The following TTC6 variants were observed in gnomAD, a reference collection of about 807,000 sequenced individuals.
TTC6 encodes the protein tetratricopeptide repeat domain 6.
A neutral mutation model predicts 210.4 loss-of-function variants in TTC6; 172 were observed. The ratio of observed to expected loss-of-function variants is 0.82; its 90% CI spans 0.72 to 0.93. The LOEUF (loss-of-function observed/expected upper bound fraction) is 0.93, where lower values mean the gene tolerates loss of function less well. TTC6 is among the 40% of genes least tolerant of loss of function. The pLI is 0.00. For missense variants in TTC6, 2,414 were observed against 2,318.1 expected (o/e 1.04, Z -0.85); for synonymous variants, 804 against 819.6 (o/e 0.98, Z 0.32).
rs563225994 is a variant in TTC6, at chr14:37,752,161, A to C, written c.3129+936A>C. Among the ~76,000 whole-genome samples the C allele has an allele frequency of 9.0e-4, 137 of 152,164 alleles. 1 individual carries two copies. The highest frequency in any genetic ancestry group is 3.3e-3 in the African/African-American group (135 of 41,534). ...TTTTAACTGAACCGTAGTCAAGGCA[A>C]AATATTCCCCTGATTGCAGTACAAT... On this transcript the variant is annotated intron_variant, in intron 13 of 30. Transcript: ENST00000553443.
intron 28 of TTC6, among the ~76,000 whole-genome samples, chr14:37,826,810 A>G (rs915075031): frequency 8.5e-5 from 13 of 152,114 alleles, no homozygotes; most frequent in African/African-American, 3.1e-4. Flanking sequence ...CAGATGTTGT[A>G]GTGTTTGAGA....
chr14:37,730,440 T>G (rs1183917382), intron 7 of TTC6, among the ~76,000 whole-genome samples: 1 of 152,140 alleles, frequency 6.6e-6, no homozygotes, highest in Non-Finnish European at 1.5e-5. Flanking sequence ...ATGTTTCACT[T>G]TACTCCCATC....
intron 1 of TTC6, among the ~76,000 whole-genome samples, chr14:37,664,905 C>G (rs192735417): frequency 6.6e-6 from 1 of 150,688 alleles, no homozygotes; most frequent in African/African-American, 2.4e-5. Context: ...AAGAGCTCAA[C>G]CTTACTGATT....
intron 18 of TTC6, among the ~76,000 whole-genome samples, chr14:37,795,658 G>A (rs1010159311): frequency 3.9e-5 from 6 of 152,090 alleles, no homozygotes; most frequent in Non-Finnish European, 8.8e-5. Flanking sequence ...GTAAGGTAAC[G>A]TATTTTGAAC....
chr14:37,685,868 G>A (rs944479071), intron 3 of TTC6, among the ~76,000 whole-genome samples: 14 of 152,030 alleles, frequency 9.2e-5, no homozygotes, highest in African/African-American at 3.1e-4. Flanking sequence ...TAAGTGTAAG[G>A]GTTGAGATTT....
chr14:37,776,418 G>A lies in TTC6; in HGVS notation c.3267-11050G>A, dbSNP rs2096037716. ...GGTTGCTTTATAGTATCATTGGTCT[G>A]TGTACTTAAGTGTGTTTTTGTAGTG... On this transcript the variant is annotated intron_variant, in intron 14 of 30. Coordinates refer to ENST00000553443, the Ensembl canonical transcript of TTC6. 2.0e-5 allele frequency among the ~76,000 whole-genome samples: 3 copies of A among 152,078 alleles called. No individual in the cohort carries two copies. The South Asian group carries it at 6.2e-4, about 32-fold the overall frequency.
chr14:37,623,823 G>A (rs1371877659), intron 1 of TTC6, among the ~76,000 whole-genome samples: 2 of 152,146 alleles, frequency 1.3e-5, no homozygotes, highest in Non-Finnish European at 2.9e-5. Context: ...GCTAGATGGG[G>A]TCATATTTAA....
chr14:37,774,162 A>G (rs191816040), intron 14 of TTC6, among the ~76,000 whole-genome samples: 1 of 152,256 alleles, frequency 6.6e-6, no homozygotes, highest in East Asian at 1.9e-4. Context: ...AATTTTGGGC[A>G]GAAACTATGG....
intron 1 of TTC6, among the ~76,000 whole-genome samples, chr14:37,665,189 A>G (rs142177614): frequency 6.6e-6 from 1 of 150,676 alleles, no homozygotes; most frequent in African/African-American, 2.4e-5. Flanking sequence ...CCATAAAGAT[A>G]CATGCATGCA....
intron 1 of TTC6, among the ~76,000 whole-genome samples, chr14:37,649,403 C>T (rs2095707192): frequency 6.6e-6 from 1 of 152,126 alleles, no homozygotes; most frequent in African/African-American, 2.4e-5. Context: ...TGGGTATAAG[C>T]CCCTAGCCCA....
At chr14:37,719,535 A>C (rs1239386567) in intron 6 of TTC6, among the ~76,000 whole-genome samples, 1 of 152,164 alleles carries the variant, frequency 6.6e-6, no homozygotes, top group African/African-American at 2.4e-5. Flanking sequence ...TAGAAAACCC[A>C]CAAATGGACT....
At chr14:37,753,217 A>G (rs1184381807) in exon 14 of TTC6, 1 of 1,531,116 alleles carries the variant, frequency 6.5e-7, no homozygotes. Context: ...AATATAGATC[A>G]CCAAAATTCT....
At chr14:37,674,879 T>A (rs1207779561) in intron 1 of TTC6, among the ~76,000 whole-genome samples, 3 of 152,282 alleles carry the variant, frequency 2.0e-5, no homozygotes, top group East Asian at 1.9e-4. Flanking sequence ...GTCTTTTTTT[T>A]ATTTCTCTGG....
At chr14:37,825,265 T>A (rs976965361) in intron 27 of TTC6, among the ~76,000 whole-genome samples, 1 of 152,192 alleles carries the variant, frequency 6.6e-6, no homozygotes. Flanking sequence ...CTAATCTCAA[T>A]TTGCCTGATT....
intron 14 of TTC6, among the ~76,000 whole-genome samples, chr14:37,783,139 C>T (rs1389682603): frequency 6.6e-6 from 1 of 152,096 alleles, no homozygotes; most frequent in Non-Finnish European, 1.5e-5. Flanking sequence ...TGATGCTGGC[C>T]TCATAAAATG....
intron 1 of TTC6, among the ~76,000 whole-genome samples, chr14:37,601,727 G>A (rs1216972008): frequency 1.3e-5 from 2 of 152,154 alleles, no homozygotes; most frequent in African/African-American, 4.8e-5. Context: ...GTATAATCGG[G>A]TGGCATAACA....
chr14:37,696,690 A>G, intron 3 of TTC6, 27 bp from the exon 6 acceptor site: 1 of 1,212,070 alleles, frequency 8.3e-7, no homozygotes, highest in Non-Finnish European at 1.1e-6. Context: ...ATCTTCTCTT[A>G]ACAGCACACT....
intron 17 of TTC6, 41 bp from the exon 20 acceptor site, chr14:37,795,229 C>T (rs190594775): frequency 8.8e-5 from 120 of 1,357,002 alleles, no homozygotes; most frequent in Admixed American, 8.6e-4. Flanking sequence ...AGGAAGCAAT[C>T]GATGTTATTA....
chr14:37,607,698 A>G (rs1052530736), intron 2 of TTC6, among the ~76,000 whole-genome samples: 1 of 149,286 alleles, frequency 6.7e-6, no homozygotes, highest in African/African-American at 2.5e-5. Flanking sequence ...GGGCAATCAT[A>G]GCTCACTGCA....
Sources: allele counts gnomAD v4.1 joint callset (sites outside exome capture counted in the v4.1 genomes callset), GRCh38; gene constraint gnomAD v4.1.1; transcripts MANE v1.5; gene names NCBI Gene and HGNC (gene_info 2026-07-23, HGNC 2026-07-21).